Variants in SAMD5 observed in about 807,000 individuals in gnomAD.
SAMD5 encodes sterile alpha motif domain containing 5.
SAMD5 carries 13 observed loss-of-function variants against 11.3 expected under a neutral mutation model. The observed-to-expected ratio is 1.15, with a 90% CI of 0.75 to 1.83. The LOEUF is 1.83. Among genes scored for constraint, SAMD5 ranks in the 40% most tolerant of loss-of-function variants. SAMD5 has a pLI of 0.00. For missense variants in SAMD5, 255 were observed against 239.1 expected (o/e 1.07, Z -0.44); for synonymous variants, 129 against 111.3 (o/e 1.16, Z -1.00).
chr6:147,950,855 T>C, the SAMD5 span, among the ~76,000 whole-genome samples: 4 of 152,060 alleles, frequency 2.6e-5, no homozygotes, highest in East Asian at 1.9e-4. Flanking sequence ...GATTTTGAAA[T>C]AGAGAGGGGA....
chr6:147,511,309 G>A (rs1444845769), intron 1 of SAMD5, among the ~76,000 whole-genome samples: 1 of 152,216 alleles, frequency 6.6e-6, no homozygotes, highest in South Asian at 2.1e-4. Flanking sequence ...GGGATGAAAC[G>A]TCATCAGAAA....
chr6:147,854,130 C>G, the SAMD5 span, among the ~76,000 whole-genome samples: 1 of 152,062 alleles, frequency 6.6e-6, no homozygotes, highest in Non-Finnish European at 1.5e-5. Flanking sequence ...GGACAGGAAG[C>G]TTTCACAGGA....
the SAMD5 span, among the ~76,000 whole-genome samples, chr6:147,945,599 G>T: frequency 6.6e-6 from 1 of 152,128 alleles, no homozygotes; most frequent in Non-Finnish European, 1.5e-5. Flanking sequence ...CTTCCTAGAG[G>T]GTGATGAATA....
At chr6:147,834,066 C>T in the SAMD5 span, among the ~76,000 whole-genome samples, 2 of 152,186 alleles carry the variant, frequency 1.3e-5, no homozygotes, top group East Asian at 1.9e-4. Flanking sequence ...TTAAATTTCC[C>T]TTGTATTATC....
chr6:147,882,812 CT>C, the SAMD5 span, among the ~76,000 whole-genome samples: 1 of 152,116 alleles, frequency 6.6e-6, no homozygotes, highest in African/African-American at 2.4e-5. Flanking sequence ...ATGTTTTGCC[CT>C]GTTATTAGGA....
At chr6:147,868,965 A>G in the SAMD5 span, among the ~76,000 whole-genome samples, 2 of 152,224 alleles carry the variant, frequency 1.3e-5, no homozygotes, top group Non-Finnish European at 2.9e-5. Flanking sequence ...TAGATCATAA[A>G]TGATGGAAAG....
At chr6:147,948,732 T>G in the SAMD5 span, among the ~76,000 whole-genome samples, 5 of 152,110 alleles carry the variant, frequency 3.3e-5, no homozygotes, top group African/African-American at 1.2e-4. Context: ...CTTTTTTGGT[T>G]TTTTGTTTTG....
In SAMD5 at chr6:147,568,826, T is replaced by A; in HGVS notation, c.*4370T>A. ...ATCATCTTCAGCTTTACATTATTAA[T>A]CTCTGAGGACATAAAATCAAATAAC... On this transcript the variant is annotated 3_prime_UTR_variant, in exon 2 of 2. Transcript: ENST00000367474. The A allele has an allele frequency of 8.5e-6, 8 of 946,254 alleles. No homozygotes were observed. Among genetic ancestry groups the A allele is most frequent in the Non-Finnish European group, 1.0e-5 (8 of 794,254 alleles). 58.6% of individuals were successfully genotyped at this position (946,254 alleles called of 1,614,324 possible). A position where few individuals can be genotyped will look rare whatever the true frequency, so the allele number is the denominator to read the frequency against.
At chr6:147,669,363 C>T (rs921251521) in intron 1 of SAMD5, among the ~76,000 whole-genome samples, 32 of 151,596 alleles carry the variant, frequency 2.1e-4, no homozygotes, top group East Asian at 3.9e-4. Flanking sequence ...AACTCCTTAT[C>T]CATTCAAATT....
the SAMD5 span, among the ~76,000 whole-genome samples, chr6:147,760,492 T>C: frequency 2.0e-5 from 3 of 152,282 alleles, no homozygotes; most frequent in East Asian, 5.8e-4. Context: ...GGTTTTGGCT[T>C]ACTAGATTGT....
At chr6:147,730,461 C>G (rs530196022) in intron 1 of SAMD5, among the ~76,000 whole-genome samples, 2 of 152,230 alleles carry the variant, frequency 1.3e-5, no homozygotes, top group African/African-American at 4.8e-5. Context: ...TAAGAGAAAT[C>G]AAGATACCCC....
intron 1 of SAMD5, among the ~76,000 whole-genome samples, chr6:147,717,891 CT>C (rs1337324535): frequency 2.0e-5 from 3 of 146,518 alleles, no homozygotes; most frequent in African/African-American, 8.0e-5. Flanking sequence ...AACAAAAAAA[CT>C]GCCTTCTGAT....
At chr6:147,758,754 C>T in the SAMD5 span, among the ~76,000 whole-genome samples, 2 of 152,126 alleles carry the variant, frequency 1.3e-5, no homozygotes, top group African/African-American at 4.8e-5. Flanking sequence ...ATGAAGTGAT[C>T]TGACCTCACT....
chr6:147,845,355 A>G, the SAMD5 span, among the ~76,000 whole-genome samples: 1 of 152,134 alleles, frequency 6.6e-6, no homozygotes, highest in Admixed American at 6.6e-5. Context: ...AGTTCTCAGA[A>G]TTGATCCCAA....
Position 147,566,223 on chromosome 6 carries a change from G to T in SAMD5, c.*1767G>T. On this transcript the variant is annotated 3_prime_UTR_variant, in exon 2 of 2. Transcript: ENST00000367474. ...AGTTAAATTTTAAAAGCATGTATAG[G>T]TTGTCCTTAAATTATACAAAAGCTT... 2.0e-6 allele frequency: 2 copies of T among 976,170 alleles called. No homozygotes were observed. The highest frequency in any genetic ancestry group is 2.4e-6 in the Non-Finnish European group (2 of 821,784). The allele number at this position is 976,170 out of a possible 1,614,324, so 60.5% of individuals were successfully genotyped here. A position where few individuals can be genotyped will look rare whatever the true frequency, so the allele number is the denominator to read the frequency against.
At position 147,564,303 on chromosome 6, in the gene SAMD5, G is replaced by T; in HGVS notation, c.460-91G>T. ...GTGGTAAGCAGAAAGGGACAAGAAT[G>T]ACTTAAAAATAGGAGCAGAAATCCA... On this transcript the variant is annotated intron_variant, in intron 1 of 1. Transcript: ENST00000367474. 4.0e-6 allele frequency: 3 copies of T among 742,872 alleles called. 1 individual carries two copies. Among genetic ancestry groups the T allele is most frequent in the South Asian group, 3.0e-5 (2 of 67,742 alleles). 46.0% of individuals were successfully genotyped at this position (742,872 alleles called of 1,614,324 possible). A position where few individuals can be genotyped will look rare whatever the true frequency, so the allele number is the denominator to read the frequency against.
intron 1 of SAMD5, among the ~76,000 whole-genome samples, chr6:147,728,881 A>G (rs1791667267): frequency 6.6e-6 from 1 of 152,240 alleles, no homozygotes; most frequent in Admixed American, 6.5e-5. Context: ...TGGCTTCTGT[A>G]TCTATTTAAT....
chr6:147,705,969 C>T (rs996511983), intron 1 of SAMD5, among the ~76,000 whole-genome samples: 3 of 152,076 alleles, frequency 2.0e-5, no homozygotes, highest in Non-Finnish European at 2.9e-5. Flanking sequence ...TCCAGAGAAA[C>T]CAGAAAGATG....
At chr6:147,887,156 G>C in the SAMD5 span, among the ~76,000 whole-genome samples, 3 of 152,146 alleles carry the variant, frequency 2.0e-5, no homozygotes, top group Admixed American at 6.5e-5. Context: ...TAACATTTAA[G>C]GTTTTTATTT....
Sources: allele counts gnomAD v4.1 joint callset (sites outside exome capture counted in the v4.1 genomes callset), GRCh38; gene constraint gnomAD v4.1.1; transcripts MANE v1.5; gene names NCBI Gene and HGNC (gene_info 2026-07-23, HGNC 2026-07-21).